Variants in CUL5 observed in about 807,000 individuals in gnomAD.
The protein encoded by CUL5 is cullin-5.
Under a neutral mutation model 108.8 loss-of-function variants are expected in CUL5, and 26 were observed. The observed-to-expected ratio is 0.24, with a 90% CI of 0.18 to 0.33. The LOEUF is 0.33. CUL5 is among the 10% of genes least tolerant of loss of function. CUL5 has a pLI of 1.00. For synonymous variants in CUL5, 334 were observed against 298.0 expected (o/e 1.12, Z -1.25); for missense variants, 524 against 909.2 (o/e 0.58, Z 5.45).
chr11:108,106,860 T>C lies in CUL5; in HGVS notation c.*2476T>C, dbSNP rs923457412. 5 of 150,996 alleles carry C rather than the reference T, an allele frequency of 3.3e-5. No individual in the cohort carries two copies. The highest frequency in any genetic ancestry group is 5.9e-5 in the Non-Finnish European group (4 of 67,834). 9.4% of individuals were successfully genotyped at this position (150,996 alleles called of 1,614,324 possible). ...CCAAAAAAAAAAAAAAAATTTAATT[T>C]TTAAAAATTAGTGGTATGGCAATAA... On this transcript the variant is annotated 3_prime_UTR_variant, in exon 19 of 19. Coordinates refer to ENST00000393094, the MANE Select transcript of CUL5 (RefSeq NM_003478.6).
intron 7 of CUL5, among the ~76,000 whole-genome samples, chr11:108,061,082 T>C (rs1863521577): frequency 6.6e-6 from 1 of 152,176 alleles, no homozygotes; most frequent in South Asian, 2.1e-4. Context: ...GTTGTGCTCA[T>C]CTCAGGCAAA....
At chr11:108,089,126 G>T (rs1368470292) in intron 12 of CUL5, among the ~76,000 whole-genome samples, 1 of 152,062 alleles carries the variant, frequency 6.6e-6, no homozygotes, top group Non-Finnish European at 1.5e-5. Context: ...TATTGGGCAA[G>T]TGTAGACAGA....
At chr11:108,091,702 C>CACACACACAT (rs1555024106) in intron 13 of CUL5, among the ~76,000 whole-genome samples, 1 of 147,534 alleles carries the variant, frequency 6.8e-6, no homozygotes, top group Non-Finnish European at 1.5e-5. Flanking sequence ...CACTCACACA[C>CACACACACAT]ACACACACAC....
At chr11:108,066,005 T>G (rs1229065234) in intron 7 of CUL5, among the ~76,000 whole-genome samples, 1 of 152,198 alleles carries the variant, frequency 6.6e-6, no homozygotes, top group Non-Finnish European at 1.5e-5. Context: ...CAGGATAATC[T>G]TTCATAAACA....
intron 1 of CUL5, among the ~76,000 whole-genome samples, chr11:108,029,211 TTTTTCCAGG>T (rs2135075394): frequency 6.7e-6 from 1 of 148,338 alleles, no homozygotes; most frequent in African/African-American, 2.5e-5. Context: ...ATAGAATACC[TTTTTCCAGG>T]TATTCCCCCA....
In CUL5 at chr11:108,104,399, G is replaced by A; in HGVS notation, c.*15G>A. 6.8e-7 allele frequency: 1 copy of A among 1,477,666 alleles called. No homozygotes were observed. The highest frequency in any genetic ancestry group is 9.0e-7 in the Non-Finnish European group (1 of 1,113,668). 91.5% of individuals were successfully genotyped at this position (1,477,666 alleles called of 1,614,324 possible). A position where few individuals can be genotyped will look rare whatever the true frequency, so the allele number is the denominator to read the frequency against. Reference sequence around the variant, plus strand: ...ATATGGCATAATTTTGAATATCATGGACAATATTTAGAACCCAAATTTTGG... The same window carrying A: ...ATATGGCATAATTTTGAATATCATGAACAATATTTAGAACCCAAATTTTGG... On this transcript the variant is annotated 3_prime_UTR_variant, in exon 19 of 19. Transcript: ENST00000393094.
At chr11:108,050,900 A>T (rs1014440702) in intron 4 of CUL5, among the ~76,000 whole-genome samples, 1 of 152,196 alleles carries the variant, frequency 6.6e-6, no homozygotes, top group Non-Finnish European at 1.5e-5. Context: ...GCTGAATATG[A>T]AGGGTCCTAG....
intron 10 of CUL5, among the ~76,000 whole-genome samples, chr11:108,076,898 A>G (rs937080825): frequency 2.6e-5 from 4 of 152,246 alleles, no homozygotes; most frequent in African/African-American, 9.6e-5. Context: ...TGTAAGAGAA[A>G]TAGTTTTTGG....
intron 13 of CUL5, 99 bp downstream of exon 13, chr11:108,089,722 A>C: frequency 1.5e-6 from 1 of 671,320 alleles, no homozygotes; most frequent in Non-Finnish European, 2.3e-6. Context: ...ATGTCAAAGA[A>C]GTAGGAAACA....
chr11:108,037,004 C>G (rs1000220247), intron 2 of CUL5, among the ~76,000 whole-genome samples: 3 of 152,096 alleles, frequency 2.0e-5, no homozygotes, highest in African/African-American at 7.2e-5. Context: ...GGGCTCTGAT[C>G]TTGCTATTAT....
chr11:108,009,065 G>C lies in CUL5; in HGVS notation c.-284G>C. The C allele has an allele frequency of 2.0e-6, 1 of 502,510 alleles. No homozygotes were observed. Among genetic ancestry groups the C allele is most frequent in the Admixed American group, 3.6e-5 (1 of 27,768 alleles). 31.1% of individuals were successfully genotyped at this position (502,510 alleles called of 1,614,324 possible). A position where few individuals can be genotyped will look rare whatever the true frequency, so the allele number is the denominator to read the frequency against. On this transcript the variant is annotated 5_prime_UTR_variant, in exon 1 of 19. Transcript: ENST00000393094. Reference sequence around the variant, plus strand: ...GATGCTTCCTCTTCCAAGTCAGGTCGGCTCCCGTTACCTTCTCAGCATTCG... The same window carrying C: ...GATGCTTCCTCTTCCAAGTCAGGTCCGCTCCCGTTACCTTCTCAGCATTCG...
Position 108,031,876 on chromosome 11 carries a change from G to T in CUL5, c.25-1926G>T, listed in dbSNP as rs970520166. 2.6e-5 allele frequency among the ~76,000 whole-genome samples: 4 copies of T among 152,268 alleles called. No individual in the cohort carries two copies. In the South Asian group the frequency reaches 8.3e-4, roughly 32 times the overall value. On this transcript the variant is annotated intron_variant, in intron 1 of 18. Coordinates refer to ENST00000393094, the MANE Select transcript of CUL5 (RefSeq NM_003478.6). ...AAGATCATGTCCTTTGCAGGGACAT[G>T]GATGGAGCTGGAGGCCATTTTCCTT...
chr11:108,009,327 G>A lies in CUL5; in HGVS notation c.-22G>A. The A allele has an allele frequency of 1.2e-6, 2 of 1,611,600 alleles. No homozygotes were observed. Among genetic ancestry groups the A allele is most frequent in the South Asian group, 2.2e-5 (2 of 90,776 alleles). The stretch of plus-strand genomic sequence containing the variant: ...GCGCCACGAATTCTCGCGTCGTCTC[G>A]CGAGAGTCCAAGTTAAAGAACATGG... On this transcript the variant is annotated 5_prime_UTR_variant, in exon 1 of 19. Coordinates refer to ENST00000393094, the MANE Select transcript of CUL5 (RefSeq NM_003478.6).
chr11:108,031,458 G>A (rs967282162), intron 1 of CUL5, among the ~76,000 whole-genome samples: 5 of 152,056 alleles, frequency 3.3e-5, no homozygotes, highest in African/African-American at 1.2e-4. Context: ...TCCATCTTGA[G>A]TTAATTTTTG....
At position 108,080,007 on chromosome 11, in the gene CUL5, G is replaced by GTTTAGTGTTC. The variant is rs571053097; in HGVS notation, c.1178+1771_1178+1780dup. On this transcript the variant is annotated intron_variant, in intron 11 of 18. Transcript: ENST00000393094. ...CCAGCTGACCCTCATTCTCACCAAT[G>GTTTAGTGTTC]TTTAGTGTTCTTTTAACTTTAGTCA... Among the ~76,000 whole-genome samples, 49 of 151,714 alleles carry GTTTAGTGTTC rather than the reference G, an allele frequency of 3.2e-4. 1 individual carries two copies. The South Asian group carries it at 9.8e-3, about 30-fold the overall frequency.
At chr11:108,009,544 G>T (rs1284516077) in intron 1 of CUL5, among the ~76,000 whole-genome samples, 172 bp downstream of exon 1, 2 of 152,096 alleles carry the variant, frequency 1.3e-5, no homozygotes, top group African/African-American at 4.8e-5. Context: ...TGTGGCCTTG[G>T]GGTCGACAGG....
intron 1 of CUL5, among the ~76,000 whole-genome samples, chr11:108,023,009 G>A (rs1377542488): frequency 2.0e-5 from 3 of 152,174 alleles, no homozygotes; most frequent in South Asian, 4.1e-4. Flanking sequence ...AGCACTTTGG[G>A]AGGCCAAGGC....
chr11:108,098,674 C>A, intron 18 of CUL5, 145 bp downstream of exon 18: 1 of 472,794 alleles, frequency 2.1e-6, no homozygotes, highest in Non-Finnish European at 3.4e-6. Context: ...CTTTGGGATG[C>A]TGAGGCAGGA....
At chr11:108,041,008 A>G (rs986113762) in intron 2 of CUL5, among the ~76,000 whole-genome samples, 1 of 152,212 alleles carries the variant, frequency 6.6e-6, no homozygotes, top group Non-Finnish European at 1.5e-5. Flanking sequence ...ACATATATGC[A>G]AAAGTGATTT....
Sources: gnomAD v4.1 joint callset for allele counts (sites outside exome capture counted in the v4.1 genomes callset) on GRCh38, gnomAD v4.1.1 for gene constraint, MANE v1.5 for transcripts, NCBI Gene and HGNC (gene_info 2026-07-23, HGNC 2026-07-21) for gene names.